Variants in POLA1 observed in about 807,000 individuals in gnomAD.
The protein encoded by POLA1 is DNA polymerase alpha 1, catalytic subunit.
In POLA1, 15 loss-of-function variants were observed where a neutral mutation model predicts 124.0. The ratio of observed to expected loss-of-function variants is 0.12; its 90% confidence interval spans 0.08 to 0.19. POLA1 has a LOEUF of 0.19. Ranked by LOEUF, POLA1 falls within the 10% of genes least tolerant of loss-of-function variation. The probability of loss-of-function intolerance (pLI) is 1.00; values close to 1 mark genes in which losing one functional copy is unlikely to be tolerated. For missense variants in POLA1, 886 were observed against 1,103.4 expected, an observed-to-expected ratio of 0.80 and a Z score of 2.79; for synonymous variants, 408 against 389.4, an observed-to-expected ratio of 1.05 and a Z score of -0.56.
Position 24,774,978 on chromosome X carries a change from A to G in POLA1, c.2964+25986A>G, listed in dbSNP as rs868359028. Among the ~76,000 whole-genome samples, 3 of 112,467 alleles carry G rather than the reference A, an allele frequency of 2.7e-5. No homozygotes were observed. In the South Asian group the frequency reaches 1.1e-3, roughly 41 times the overall value. ...TTAACTGTTCATTTGTTAGATGACTAGTGGGATTTTAAACAGATATAATCA... is the reference window on the plus strand; with the variant it reads ...TTAACTGTTCATTTGTTAGATGACTGGTGGGATTTTAAACAGATATAATCA... On this transcript the variant is annotated intron_variant, in intron 26 of 36. Coordinates refer to ENST00000379068, the MANE Select transcript of POLA1 (RefSeq NM_001330360.2).
At chrX:24,912,483 C>T (rs1023984509) in intron 35 of POLA1, among the ~76,000 whole-genome samples, 6 of 111,267 alleles carry the variant, frequency 5.4e-5, no homozygotes, top group African/African-American at 9.8e-5. Context: ...GTCCTGTATC[C>T]AGTATATATA....
chrX:24,864,107 G>A (rs1474889056), intron 34 of POLA1, among the ~76,000 whole-genome samples: 2 of 109,653 alleles, frequency 1.8e-5, no homozygotes, highest in Non-Finnish European at 3.8e-5. Flanking sequence ...TCAGTCTCGC[G>A]AGCAGCTGGG....
chrX:24,792,082 T>A (rs764213430), intron 26 of POLA1, among the ~76,000 whole-genome samples: 4 of 112,631 alleles, frequency 3.6e-5, no homozygotes, highest in Non-Finnish European at 7.5e-5. Flanking sequence ...TCAAAGCTAC[T>A]GCCATAGTTT....
intron 26 of POLA1, among the ~76,000 whole-genome samples, chrX:24,792,662 AT>A (rs748134045): frequency 1.5e-4 from 17 of 112,366 alleles, no homozygotes; most frequent in Admixed American, 4.7e-4. Flanking sequence ...CTGTCAAGAA[AT>A]TATTTTTCAG....
intron 32 of POLA1, among the ~76,000 whole-genome samples, chrX:24,838,277 A>G (rs181629922): frequency 8.9e-6 from 1 of 112,076 alleles, no homozygotes; most frequent in African/African-American, 3.2e-5. Context: ...TATAAATGAC[A>G]GTATTTTAAT....
chrX:24,841,962 G>T (rs1470156691), intron 33 of POLA1, 132 bp downstream of exon 33: 7 of 436,699 alleles, frequency 1.6e-5, no homozygotes, highest in Non-Finnish European at 2.7e-5. Context: ...AAGAATTTTA[G>T]CATCATGTGA....
chrX:24,740,843 C>T (rs888705314), intron 20 of POLA1, among the ~76,000 whole-genome samples: 5 of 111,924 alleles, frequency 4.5e-5, no homozygotes, highest in Non-Finnish European at 9.4e-5. Context: ...AAATTTCAGT[C>T]TCTGCTTCTG....
At chrX:24,798,902 T>A (rs948465085) in intron 26 of POLA1, among the ~76,000 whole-genome samples, 1 of 111,565 alleles carries the variant, frequency 9.0e-6, no homozygotes, top group African/African-American at 3.3e-5. Context: ...CTCAGAAGAT[T>A]TTTTTTAAGT....
At chrX:24,946,460 CCT>C (rs1016786537) in intron 36 of POLA1, among the ~76,000 whole-genome samples, 3 of 111,388 alleles carry the variant, frequency 2.7e-5, no homozygotes, top group Admixed American at 9.5e-5. Flanking sequence ...TCAGATCACC[CCT>C]TTTTGCCTAG....
chrX:24,748,295 G>A lies in POLA1; in HGVS notation c.2692-16G>A, dbSNP rs781560158. On this transcript the variant is annotated splice_polypyrimidine_tract_variant and intron_variant, in intron 24 of 36. Transcript: ENST00000379068. ...CAAAAGTTTGATTTGTGTGAAATTT[G>A]TTGTGTGTTTATCAGGATGGAGAAC... is the stretch of plus-strand genomic sequence containing the variant. 5 of 1,146,413 alleles carry A rather than the reference G, an allele frequency of 4.4e-6. No homozygotes were observed. Among genetic ancestry groups the A allele is most frequent in the African/African-American group, 1.8e-5 (1 of 54,666 alleles). The allele number at this position is 1,146,413 out of a possible 1,213,427, so 94.5% of individuals were successfully genotyped here.
At chrX:24,975,246 G>A (rs965242842) in intron 36 of POLA1, among the ~76,000 whole-genome samples, 8 of 112,343 alleles carry the variant, frequency 7.1e-5, no homozygotes, top group East Asian at 2.8e-4. Context: ...TCCTGACCTC[G>A]TGATCCATCC....
At chrX:24,781,249 G>A (rs2045255128) in intron 26 of POLA1, among the ~76,000 whole-genome samples, 1 of 111,459 alleles carries the variant, frequency 9.0e-6, no homozygotes, top group South Asian at 3.8e-4. Context: ...CTTGCCTGGT[G>A]CCTTTCCTTT....
At chrX:24,744,716 GC>G in intron 23 of POLA1, 1 of 266,934 alleles carries the variant, frequency 3.7e-6, no homozygotes, top group Non-Finnish European at 6.8e-6. Flanking sequence ...ACTTTGGGAG[GC>G]TGAGGCAGGC....
intron 34 of POLA1, among the ~76,000 whole-genome samples, chrX:24,887,459 ATATT>A (rs1443324558): frequency 1.8e-5 from 2 of 112,654 alleles, no homozygotes; most frequent in African/African-American, 6.5e-5. Flanking sequence ...ATAATTGATT[ATATT>A]TATTAAGTGT....
intron 32 of POLA1, among the ~76,000 whole-genome samples, chrX:24,839,047 A>G (rs868352981): frequency 8.9e-6 from 1 of 112,239 alleles, no homozygotes; most frequent in Non-Finnish European, 1.9e-5. Context: ...TTACTTTTTT[A>G]ACATGACATT....
intron 36 of POLA1, among the ~76,000 whole-genome samples, chrX:24,943,172 G>T (rs2047925662): frequency 8.9e-6 from 1 of 112,473 alleles, no homozygotes; most frequent in Non-Finnish European, 1.9e-5. Flanking sequence ...ATTTTGACAT[G>T]AAAATTTACA....
Position 24,878,731 on chromosome X carries a change from TAA to T in POLA1, c.4048-9259_4048-9258del, listed in dbSNP as rs11288921. Among the ~76,000 whole-genome samples, 131 of 99,710 alleles carry T rather than the reference TAA, an allele frequency of 1.3e-3. 1 individual carries two copies. The highest frequency in any genetic ancestry group is 4.5e-3 in the African/African-American group (124 of 27,695). 86.6% of individuals were successfully genotyped at this position (99,710 alleles called of 115,157 possible). ...CCTATTTTTGAAATTTTAGATTTAGTAAAAAAAAAAAAAAAAATTTTTTTTAA... is the reference window on the plus strand; with the variant it reads ...CCTATTTTTGAAATTTTAGATTTAGTAAAAAAAAAAAAAAATTTTTTTTAA... On this transcript the variant is annotated intron_variant, in intron 34 of 36. Coordinates refer to ENST00000379068, the MANE Select transcript of POLA1 (RefSeq NM_001330360.2).
chrX:24,952,808 GA>G (rs11573494), intron 36 of POLA1, among the ~76,000 whole-genome samples: 2 of 111,266 alleles, frequency 1.8e-5, no homozygotes, highest in South Asian at 3.7e-4. Flanking sequence ...TTAAAAGTTG[GA>G]AAAAAAATTC....
chrX:24,806,773 A>G (rs189954505), intron 26 of POLA1, among the ~76,000 whole-genome samples: 84 of 112,341 alleles, frequency 7.5e-4, no homozygotes, highest in African/African-American at 2.5e-3. Context: ...TTACGTATGT[A>G]TAGGGATTGT....
Sources: allele counts gnomAD v4.1 joint callset (sites outside exome capture counted in the v4.1 genomes callset), GRCh38; gene constraint gnomAD v4.1.1; transcripts MANE v1.5; gene names NCBI Gene and HGNC (gene_info 2026-07-23, HGNC 2026-07-21).